Variants in PDE10A observed in about 807,000 individuals in gnomAD.
The protein encoded by PDE10A is cAMP and cAMP-inhibited cGMP 3',5'-cyclic phosphodiesterase 10A.
In PDE10A, 39 loss-of-function variants were observed where a neutral mutation model predicts 97.7. That is an observed-to-expected ratio of 0.40 (90% CI 0.31 to 0.52). The LOEUF is 0.52. PDE10A is among the 20% of genes least tolerant of loss of function. The pLI is 0.56. For synonymous variants in PDE10A, 371 were observed against 376.8 expected, an observed-to-expected ratio of 0.98 and a Z score of 0.18; for missense variants, 731 against 1,047.8, an observed-to-expected ratio of 0.70 and a Z score of 4.17.
chr6:165,758,682 A>AGAAGGAGAAG (rs983813102), intron 1 of PDE10A, among the ~76,000 whole-genome samples: 2 of 150,666 alleles, frequency 1.3e-5, no homozygotes, highest in East Asian at 2.0e-4. Flanking sequence ...AGAGGAAGAA[A>AGAAGGAGAAG]GAAGGAGAAG....
intron 9 of PDE10A, among the ~76,000 whole-genome samples, chr6:165,430,034 T>C (rs1789441711): frequency 6.6e-6 from 1 of 152,124 alleles, no homozygotes; most frequent in African/African-American, 2.4e-5. Flanking sequence ...ATATTCTCAG[T>C]CTATTTAGAA....
chr6:165,339,607 A>T (rs1367969001), intron 19 of PDE10A, among the ~76,000 whole-genome samples: 10 of 152,214 alleles, frequency 6.6e-5, no homozygotes, highest in Non-Finnish European at 1.5e-4. Flanking sequence ...ATTTTGCAGA[A>T]GTTAGTAAAT....
chr6:165,579,248 A>G (rs941840527), intron 1 of PDE10A, among the ~76,000 whole-genome samples: 24 of 152,212 alleles, frequency 1.6e-4, no homozygotes, highest in African/African-American at 5.5e-4. Context: ...AGAATGATAT[A>G]AGCAGATGTG....
chr6:165,801,120 T>C (rs891949517), intron 1 of PDE10A, among the ~76,000 whole-genome samples: 4 of 152,260 alleles, frequency 2.6e-5, no homozygotes, highest in African/African-American at 9.6e-5. Context: ...GATGTTTCCA[T>C]CTGCAGCGAA....
chr6:165,646,986 G>A (rs558914754), intron 1 of PDE10A, among the ~76,000 whole-genome samples: 3 of 152,118 alleles, frequency 2.0e-5, no homozygotes, highest in Admixed American at 6.5e-5. Context: ...CAAACCAGAC[G>A]TAGAGGCTGT....
At chr6:165,750,458 C>A (rs115738734) in intron 1 of PDE10A, among the ~76,000 whole-genome samples, 1 of 152,112 alleles carries the variant, frequency 6.6e-6, no homozygotes, top group Non-Finnish European at 1.5e-5. Flanking sequence ...AGCTGGGCTG[C>A]CCAGCACCCC....
chr6:165,929,973 C>T (rs1783074956), intron 1 of PDE10A, among the ~76,000 whole-genome samples: 1 of 151,716 alleles, frequency 6.6e-6, no homozygotes, highest in African/African-American at 2.4e-5. Flanking sequence ...AACATCACTC[C>T]AGGCGTGAAG....
At chr6:165,847,683 C>T (rs554891910) in intron 1 of PDE10A, among the ~76,000 whole-genome samples, 124 of 152,364 alleles carry the variant, frequency 8.1e-4, no homozygotes, top group African/African-American at 2.9e-3. Context: ...AGCAAGCCAA[C>T]TCCCATAGCG....
At chr6:165,682,233 G>A (rs560473295) in intron 1 of PDE10A, among the ~76,000 whole-genome samples, 1 of 152,242 alleles carries the variant, frequency 6.6e-6, no homozygotes, top group South Asian at 2.1e-4. Context: ...CAGGGTTCAG[G>A]TGATCCTCCT....
intron 2 of PDE10A, among the ~76,000 whole-genome samples, chr6:165,519,538 T>C (rs942299945): frequency 3.6e-4 from 54 of 152,102 alleles, no homozygotes; most frequent in Admixed American, 7.9e-4. Flanking sequence ...TCCTGTGTAC[T>C]GTCATCTACT....
At chr6:165,706,033 C>G (rs964815753) in intron 1 of PDE10A, among the ~76,000 whole-genome samples, 2 of 152,172 alleles carry the variant, frequency 1.3e-5, no homozygotes, top group Admixed American at 6.5e-5. Flanking sequence ...CGGCCACACT[C>G]CTAATGCATA....
intron 1 of PDE10A, among the ~76,000 whole-genome samples, chr6:165,824,215 T>G (rs1779659729): frequency 6.6e-6 from 1 of 152,234 alleles, no homozygotes; most frequent in Non-Finnish European, 1.5e-5. Context: ...TGTAATAGAT[T>G]ACGTTCATTA....
chr6:165,621,139 T>A (rs1419191199), intron 1 of PDE10A, among the ~76,000 whole-genome samples: 1 of 151,882 alleles, frequency 6.6e-6, no homozygotes, highest in Non-Finnish European at 1.5e-5. Context: ...AGAAAAAAAA[T>A]TTAAATGACC....
chr6:165,476,166 GA>G (rs371994386), intron 3 of PDE10A, among the ~76,000 whole-genome samples: 40 of 139,080 alleles, frequency 2.9e-4, no homozygotes, highest in African/African-American at 5.3e-4. Flanking sequence ...ACAAAAAGAA[GA>G]AAAAAAAAAA....
chr6:165,949,966 A>G (rs942754595), intron 1 of PDE10A: 3 of 152,244 alleles, frequency 2.0e-5, no homozygotes, highest in Admixed American at 6.5e-5. Context: ...AATTATCATA[A>G]GAGCTAAAAC....
intron 18 of PDE10A, among the ~76,000 whole-genome samples, chr6:165,361,338 A>C (rs1021890042): frequency 7.9e-5 from 12 of 152,364 alleles, no homozygotes; most frequent in Non-Finnish European, 1.3e-4. Flanking sequence ...TAAAAGAATA[A>C]AAATAATATA....
At chr6:165,815,036 A>C (rs544443766) in intron 1 of PDE10A, among the ~76,000 whole-genome samples, 1 of 152,172 alleles carries the variant, frequency 6.6e-6, no homozygotes, top group Non-Finnish European at 1.5e-5. Flanking sequence ...AAAAATGTCT[A>C]TGATTTTAAT....
At position 165,661,579 on chromosome 6, in the gene PDE10A, C is replaced by G. The variant is rs1481616483; in HGVS notation, c.865+368G>C. On this transcript the variant is annotated intron_variant, in intron 1 of 21. Transcript: ENST00000539869. This position sits in a 1 kb window ranked among gnomAD's most constrained non-coding sequence, Gnocchi z 4.8. ...GGCCACAGGCTCAAGAGGGAGGAAC[C>G]TAAGTGGTCACAAAGTTGAGTATAA... is the stretch of plus-strand genomic sequence containing the variant. The G allele has an allele frequency of 9.4e-6, 2 of 212,092 alleles. No homozygotes were observed. Among genetic ancestry groups the G allele is most frequent in the Admixed American group, 6.1e-5 (1 of 16,464 alleles). The allele number at this position is 212,092 out of a possible 1,614,324, so 13.1% of individuals were successfully genotyped here.
chr6:165,465,951 G>C (rs916980725), intron 3 of PDE10A, among the ~76,000 whole-genome samples: 8 of 143,904 alleles, frequency 5.6e-5, no homozygotes, highest in African/African-American at 2.0e-4. Flanking sequence ...GCAGGAGGAA[G>C]TACTAAAAGA....
Sources: allele counts gnomAD v4.1 joint callset (sites outside exome capture counted in the v4.1 genomes callset), GRCh38; gene constraint gnomAD v4.1.1; non-coding constraint Gnocchi (gnomAD v3.1); transcripts MANE v1.5; gene names NCBI Gene and HGNC (gene_info 2026-07-23, HGNC 2026-07-21).